BABAM2: variants seen among roughly 807,000 people sequenced by gnomAD.
BABAM2 encodes BRISC and BRCA1-A complex member 2.
BABAM2 carries 31 observed loss-of-function variants against 54.7 expected under a neutral mutation model. The observed-to-expected ratio is 0.57, with a 90% CI of 0.43 to 0.77. The LOEUF (loss-of-function observed/expected upper bound fraction) is 0.77. BABAM2 is among the 30% of genes least tolerant of loss of function. BABAM2 has a pLI of 0.00. For synonymous variants in BABAM2, 167 were observed against 162.9 expected (o/e 1.03, Z -0.19); for missense variants, 364 against 455.8 (o/e 0.80, Z 1.83).
chr2:27,923,749 T>C (rs1667491667), intron 2 of BABAM2, among the ~76,000 whole-genome samples: 1 of 152,144 alleles, frequency 6.6e-6, no homozygotes, highest in African/African-American at 2.4e-5. Flanking sequence ...GGCAGGAGGA[T>C]CACTTAATTC....
rs1665858903 is a variant in BABAM2 at position 28,088,345 on chromosome 2, C to G, written c.571-40926C>G. Among the ~76,000 whole-genome samples, 3 of 152,118 alleles carry G rather than the reference C, an allele frequency of 2.0e-5. No homozygotes were observed. In the South Asian group the frequency reaches 6.2e-4, roughly 32 times the overall value. On this transcript the variant is annotated intron_variant, in intron 6 of 11. Coordinates refer to ENST00000379624, the MANE Select transcript of BABAM2 (RefSeq NM_199191.3). ...TTAGAATCCTAAATGACTGTTTTCTCCTGACATTTGCCATTGGGGTACATA... is the reference window on the plus strand; with the variant it reads ...TTAGAATCCTAAATGACTGTTTTCTGCTGACATTTGCCATTGGGGTACATA...
At chr2:28,144,171 G>A (rs1406667037) in intron 7 of BABAM2, among the ~76,000 whole-genome samples, 1 of 152,192 alleles carries the variant, frequency 6.6e-6, no homozygotes, top group East Asian at 1.9e-4. Flanking sequence ...TTAGCATAGT[G>A]CCAGGCACAT....
At chr2:28,099,505 C>A (rs1251048703) in intron 6 of BABAM2, among the ~76,000 whole-genome samples, 1 of 152,184 alleles carries the variant, frequency 6.6e-6, no homozygotes, top group African/African-American at 2.4e-5. Context: ...ATATTGTTTT[C>A]CTTGTGTCTA....
rs926925991 is a variant in BABAM2 at position 28,101,029 on chromosome 2, G to C, written c.571-28242G>C. Among the ~76,000 whole-genome samples, 42 of 152,210 alleles carry C rather than the reference G, an allele frequency of 2.8e-4. 1 individual carries two copies. The highest frequency in any genetic ancestry group is 1.8e-3 in the Admixed American group (27 of 15,282). On this transcript the variant is annotated intron_variant, in intron 6 of 11. Transcript: ENST00000379624. ...CAGTGTCCACAGATAGCAGGGAACAGGTGGGTCAGATAGTCCCAAGATGAT... is the reference window on the plus strand; with the variant it reads ...CAGTGTCCACAGATAGCAGGGAACACGTGGGTCAGATAGTCCCAAGATGAT...
chr2:28,236,035 G>A lies in BABAM2; in HGVS notation c.681-1167G>A, dbSNP rs145981478. Among the ~76,000 whole-genome samples the A allele has an allele frequency of 5.3e-5, 8 of 152,252 alleles. No individual in the cohort carries two copies. The East Asian group carries it at 1.3e-3, about 26-fold the overall frequency. ...TTCTTCCACTTACAACCTTGTAACT[G>A]CAGGGTCTTGGATAATAATCCAACA... On this transcript the variant is annotated intron_variant, in intron 7 of 11. Coordinates refer to ENST00000379624, the MANE Select transcript of BABAM2 (RefSeq NM_199191.3).
chr2:28,279,382 TTTGA>T (rs1307011593), intron 10 of BABAM2, among the ~76,000 whole-genome samples: 2 of 152,186 alleles, frequency 1.3e-5, no homozygotes, highest in East Asian at 1.9e-4. Context: ...TTATCTCCAC[TTTGA>T]TTATCTCCTA....
chr2:28,031,767 A>G (rs1283068527), intron 5 of BABAM2, among the ~76,000 whole-genome samples: 6 of 152,188 alleles, frequency 3.9e-5, no homozygotes, highest in Non-Finnish European at 7.3e-5. Context: ...TTACTGGCCA[A>G]CTGAGCTAGA....
At chr2:27,890,383 T>C, upstream of BABAM2, 3 of 1,587,530 alleles carry the variant, frequency 1.9e-6, no homozygotes, top group Non-Finnish European at 1.7e-6. This position sits in a 1 kb window ranked among gnomAD's most constrained non-coding sequence, Gnocchi z 4.8. Context: ...GACGGTGACC[T>C]CTGCCCTTTG....
intron 7 of BABAM2, among the ~76,000 whole-genome samples, chr2:28,160,039 T>C (rs1672913774): frequency 6.6e-6 from 1 of 152,118 alleles, no homozygotes; most frequent in Non-Finnish European, 1.5e-5. Context: ...TAGAGTGCAA[T>C]GGGCCAATCA....
At chr2:27,913,725 A>G (rs1666770994) in intron 2 of BABAM2, among the ~76,000 whole-genome samples, 1 of 152,206 alleles carries the variant, frequency 6.6e-6, no homozygotes, top group South Asian at 2.1e-4. Context: ...AATGTTTATA[A>G]TACAATCTTC....
At chr2:28,019,893 A>G (rs1675127224) in intron 4 of BABAM2, among the ~76,000 whole-genome samples, 1 of 152,142 alleles carries the variant, frequency 6.6e-6, no homozygotes, top group African/African-American at 2.4e-5. Flanking sequence ...TTTGGTGACT[A>G]TGGCCTTATA....
intron 10 of BABAM2, among the ~76,000 whole-genome samples, chr2:28,274,090 GCCA>G (rs901878155): frequency 7.9e-5 from 12 of 152,278 alleles, no homozygotes; most frequent in African/African-American, 1.9e-4. Flanking sequence ...CTTGGGCCTT[GCCA>G]CCACATTAAT....
intron 6 of BABAM2, among the ~76,000 whole-genome samples, chr2:28,048,789 T>C (rs1188125378): frequency 1.3e-5 from 2 of 152,216 alleles, no homozygotes; most frequent in Non-Finnish European, 2.9e-5. Flanking sequence ...AAGTATTCTC[T>C]ACAGTTACTG....
intron 7 of BABAM2, among the ~76,000 whole-genome samples, chr2:28,168,867 C>T (rs988072830): frequency 1.3e-5 from 2 of 152,166 alleles, no homozygotes; most frequent in Non-Finnish European, 2.9e-5. Context: ...CTCACCCCTG[C>T]TCCCCAATTA....
At chr2:28,043,220 C>T (rs1253049204) in intron 5 of BABAM2, among the ~76,000 whole-genome samples, 1 of 151,150 alleles carries the variant, frequency 6.6e-6, no homozygotes, top group African/African-American at 2.4e-5. Context: ...CCTCCGCCTC[C>T]TCCTGGTTCA....
rs990143591 is a variant in BABAM2 at position 28,304,952 on chromosome 2, ACAGG to A, written c.1088+6464_1088+6467del. On this transcript the variant is annotated intron_variant, in intron 11 of 11. Coordinates refer to ENST00000379624, the MANE Select transcript of BABAM2 (RefSeq NM_199191.3). The surrounding 1 kb of genome is among the most constrained non-coding windows in gnomAD (Gnocchi z 4.0). ...CTTGGCCTCCCAAAGCACTAGGATT[ACAGG>A]CATGAGCCAGCACGCCCAGCCTGCA... 1.4e-4 allele frequency among the ~76,000 whole-genome samples: 22 copies of A among 152,338 alleles called. No homozygotes were observed. The highest frequency in any genetic ancestry group is 1.2e-3 in the Admixed American group (19 of 15,302).
intron 10 of BABAM2, among the ~76,000 whole-genome samples, chr2:28,294,174 T>C (rs1464784562): frequency 6.6e-6 from 1 of 151,450 alleles, no homozygotes; most frequent in Non-Finnish European, 1.5e-5. Flanking sequence ...AGGTCAGGAG[T>C]TCAAGACCAG....
chr2:28,292,672 G>C (rs190915311), intron 10 of BABAM2, among the ~76,000 whole-genome samples: 1 of 152,180 alleles, frequency 6.6e-6, no homozygotes, highest in Non-Finnish European at 1.5e-5. Flanking sequence ...CACATGATCA[G>C]CTCTAAGGCA....
chr2:28,037,763 A>G (rs190452135), intron 5 of BABAM2, among the ~76,000 whole-genome samples: 2 of 152,336 alleles, frequency 1.3e-5, no homozygotes, highest in East Asian at 3.9e-4. Flanking sequence ...GTCACGGCCA[A>G]GTAGCTCCTG....
Sources: allele counts gnomAD v4.1 joint callset (sites outside exome capture counted in the v4.1 genomes callset), GRCh38; gene constraint gnomAD v4.1.1; non-coding constraint Gnocchi (gnomAD v3.1); transcripts MANE v1.5; gene names NCBI Gene and HGNC (gene_info 2026-07-23, HGNC 2026-07-21).